Variants in LPAR3 observed in about 807,000 individuals in gnomAD.
The protein encoded by LPAR3 is lysophosphatidic acid receptor 3.
LPAR3 carries 7 observed loss-of-function variants against 17.8 expected under a neutral mutation model. The observed-to-expected ratio is 0.39, with a 90% CI of 0.22 to 0.74. The LOEUF is 0.74. Among genes scored for constraint, LPAR3 ranks in the 30% least tolerant of loss-of-function variants. LPAR3 has a pLI of 0.40. For missense variants in LPAR3, 391 were observed against 453.4 expected, an observed-to-expected ratio of 0.86 and a Z score of 1.25; for synonymous variants, 179 against 179.9, an observed-to-expected ratio of 0.99 and a Z score of 0.04.
chr1:84,837,570 A>G (rs1050159899), intron 2 of LPAR3, among the ~76,000 whole-genome samples: 3 of 152,218 alleles, frequency 2.0e-5, no homozygotes, highest in African/African-American at 7.2e-5. Flanking sequence ...TCTCATTATA[A>G]AACATGGAAA....
chr1:84,862,257 G>C (rs1659954381), intron 2 of LPAR3, among the ~76,000 whole-genome samples: 1 of 152,212 alleles, frequency 6.6e-6, no homozygotes, highest in African/African-American at 2.4e-5. Flanking sequence ...CGATTAATGT[G>C]AACCCTCTTT....
chr1:84,842,036 C>CA (rs1196597200), intron 2 of LPAR3, among the ~76,000 whole-genome samples: 2 of 152,116 alleles, frequency 1.3e-5, no homozygotes, highest in Non-Finnish European at 2.9e-5. Flanking sequence ...AAAATTAGCA[C>CA]ATGGAGAGAA....
rs1390154027 is a variant in LPAR3, at chr1:84,832,411, A to G, written c.737-18240T>C. ...AAGTCAAAATGGGCACACACATAGA[A>G]ATAACTGTCATAGGCAATAAATGAC... On this transcript the variant is annotated intron_variant, in intron 2 of 2. Transcript: ENST00000370611. Among the ~76,000 whole-genome samples, 18 of 152,212 alleles carry G rather than the reference A, an allele frequency of 1.2e-4. 1 individual carries two copies. Among genetic ancestry groups the G allele is most frequent in the Admixed American group, 1.2e-3 (18 of 15,278 alleles).
At chr1:84,870,937 C>T (rs527510396) in intron 1 of LPAR3, among the ~76,000 whole-genome samples, 2 of 152,336 alleles carry the variant, frequency 1.3e-5, no homozygotes, top group African/African-American at 2.4e-5. Flanking sequence ...CATTAAAAGA[C>T]TGCCCCATGC....
At chr1:84,849,701 G>C (rs1203112618) in intron 2 of LPAR3, among the ~76,000 whole-genome samples, 1 of 152,122 alleles carries the variant, frequency 6.6e-6, no homozygotes, top group Non-Finnish European at 1.5e-5. Context: ...GCTAGTGCTC[G>C]AGCCTGGTGA....
chr1:84,886,988 G>A (rs1243113900), intron 1 of LPAR3, among the ~76,000 whole-genome samples: 3 of 152,150 alleles, frequency 2.0e-5, no homozygotes, highest in Admixed American at 6.5e-5. Flanking sequence ...ACAGTTCTTA[G>A]TAAAAACATA....
chr1:84,847,834 T>C (rs1659621165), intron 2 of LPAR3, among the ~76,000 whole-genome samples: 1 of 152,240 alleles, frequency 6.6e-6, no homozygotes. Context: ...TCCCTGACGC[T>C]GACTTCTAAC....
chr1:84,836,006 CTTTTTTTTTT>C (rs34491570), intron 2 of LPAR3, among the ~76,000 whole-genome samples: 2 of 61,742 alleles, frequency 3.2e-5, no homozygotes, highest in African/African-American at 6.6e-5. Flanking sequence ...CAACCCCGGC[CTTTTTTTTTT>C]TTTTTTTTTT....
chr1:84,848,131 C>G (rs911843332), intron 2 of LPAR3, among the ~76,000 whole-genome samples: 10 of 152,226 alleles, frequency 6.6e-5, no homozygotes, highest in Admixed American at 6.5e-4. Flanking sequence ...GTCCAACAAG[C>G]CTGGCCACAG....
At chr1:84,868,443 T>C (rs1660096277) in intron 1 of LPAR3, among the ~76,000 whole-genome samples, 2 of 152,168 alleles carry the variant, frequency 1.3e-5, no homozygotes, top group African/African-American at 2.4e-5. Flanking sequence ...ACCAGCAGCA[T>C]ATGAGAGTTA....
At chr1:84,892,854 C>T (rs1660577849) in intron 1 of LPAR3, among the ~76,000 whole-genome samples, 162 bp downstream of exon 1, 1 of 152,162 alleles carries the variant, frequency 6.6e-6, no homozygotes, top group Non-Finnish European at 1.5e-5. Flanking sequence ...AGTCTTGTCC[C>T]GGGGTTTGGA....
intron 1 of LPAR3, among the ~76,000 whole-genome samples, chr1:84,877,886 A>T (rs12032602): frequency 0.09 from 13,628 of 152,200 alleles, 785 homozygotes; most frequent in Admixed American, 0.2. Flanking sequence ...ATGCACAACA[A>T]ATCTCTGGTC....
chr1:84,846,775 C>T (rs923436373), intron 2 of LPAR3, among the ~76,000 whole-genome samples: 2 of 151,908 alleles, frequency 1.3e-5, no homozygotes, highest in East Asian at 3.9e-4. Flanking sequence ...ATAATTTCAA[C>T]CTAATAAAAT....
intron 2 of LPAR3, among the ~76,000 whole-genome samples, chr1:84,824,823 C>A (rs2102746749): frequency 6.6e-6 from 1 of 152,328 alleles, no homozygotes; most frequent in South Asian, 2.1e-4. Context: ...CAATTTCTCA[C>A]ACTCTGCCCT....
At chr1:84,886,880 C>T (rs377698875) in intron 1 of LPAR3, among the ~76,000 whole-genome samples, 1 of 151,970 alleles carries the variant, frequency 6.6e-6, no homozygotes, top group Non-Finnish European at 1.5e-5. Flanking sequence ...GGAGGCAGCT[C>T]CAAGGGGTCC....
chr1:84,834,624 T>C (rs1659361442), intron 2 of LPAR3, among the ~76,000 whole-genome samples: 1 of 152,246 alleles, frequency 6.6e-6, no homozygotes, highest in Admixed American at 6.5e-5. Flanking sequence ...GTGTACAAGA[T>C]GATTCATAAC....
chr1:84,822,833 A>T (rs1316298634), intron 2 of LPAR3, among the ~76,000 whole-genome samples: 1 of 152,214 alleles, frequency 6.6e-6, no homozygotes, highest in African/African-American at 2.4e-5. Flanking sequence ...TCACACATGC[A>T]ATTAATCAAA....
chr1:84,826,969 A>G (rs1659170091), intron 2 of LPAR3, among the ~76,000 whole-genome samples: 1 of 152,214 alleles, frequency 6.6e-6, no homozygotes, highest in African/African-American at 2.4e-5. Flanking sequence ...TAAGATTGAT[A>G]CAAGTTAAGA....
At chr1:84,873,800 T>A (rs1028394174) in intron 1 of LPAR3, among the ~76,000 whole-genome samples, 1 of 151,626 alleles carries the variant, frequency 6.6e-6, no homozygotes, top group South Asian at 2.1e-4. Context: ...TCACCCAGGC[T>A]GGAGTGCAGT....
Sources: allele counts gnomAD v4.1 joint callset (sites outside exome capture counted in the v4.1 genomes callset), GRCh38; gene constraint gnomAD v4.1.1; transcripts MANE v1.5; gene names NCBI Gene and HGNC (gene_info 2026-07-23, HGNC 2026-07-21).